Variants in ZNF37A observed in about 807,000 individuals in gnomAD.
ZNF37A encodes the protein zinc finger protein 37a (KOX 21).
A neutral mutation model predicts 12.3 loss-of-function variants in ZNF37A; 10 were observed. That is an observed-to-expected ratio of 0.82 (90% confidence interval 0.50 to 1.38). ZNF37A has a LOEUF of 1.38. Ranked by LOEUF, ZNF37A falls within the 40% of genes most tolerant of loss-of-function variation. The pLI, the probability that ZNF37A is intolerant of heterozygous loss-of-function variation, is 0.00. For missense variants in ZNF37A, 580 were observed against 651.2 expected, an observed-to-expected ratio of 0.89 and a Z score of 1.19; for synonymous variants, 207 against 223.0, an observed-to-expected ratio of 0.93 and a Z score of 0.64.
At chr10:38,141,195 G>A (rs1459682475) in intron 7 of ZNF37A, 3 of 152,136 alleles carry the variant, frequency 2.0e-5, no homozygotes, top group Non-Finnish European at 4.4e-5. Context: ...CCTTAAAGAG[G>A]TGGAGTTTAA....
At chr10:38,126,981 C>T (rs1192765895), downstream of ZNF37A, among the ~76,000 whole-genome samples, 1 of 152,170 alleles carries the variant, frequency 6.6e-6, no homozygotes. Flanking sequence ...AAAACTTGGA[C>T]TTGTAGGGAC....
chr10:38,111,386 A>T (rs1180131320), intron 5 of ZNF37A, among the ~76,000 whole-genome samples: 1 of 151,914 alleles, frequency 6.6e-6, no homozygotes, highest in Admixed American at 6.6e-5. Context: ...TATGTAGATG[A>T]TGGGTTGATG....
intron 5 of ZNF37A, among the ~76,000 whole-genome samples, chr10:38,101,830 T>A (rs950240130): frequency 2.0e-5 from 3 of 148,558 alleles, no homozygotes; most frequent in Admixed American, 1.3e-4. Flanking sequence ...TTTCTTTTTT[T>A]TTTTTTTTTT....
At chr10:38,138,530 A>G (rs1470006531) in intron 7 of ZNF37A, 2 of 152,206 alleles carry the variant, frequency 1.3e-5, no homozygotes, top group African/African-American at 4.8e-5. Flanking sequence ...CAAGCTTTAC[A>G]TATGTATATG....
chr10:38,110,770 A>AT, intron 5 of ZNF37A, among the ~76,000 whole-genome samples: 1 of 152,242 alleles, frequency 6.6e-6, no homozygotes, highest in African/African-American at 2.4e-5. Context: ...TGCAAATCAA[A>AT]ACCACAATGA....
chr10:38,103,799 A>T (rs1480991571), intron 5 of ZNF37A, among the ~76,000 whole-genome samples: 2 of 152,194 alleles, frequency 1.3e-5, no homozygotes, highest in Non-Finnish European at 2.9e-5. Flanking sequence ...CTGTTCTATT[A>T]GTTTAGTGGT....
chr10:38,100,245 G>A (rs1262908837), intron 5 of ZNF37A, among the ~76,000 whole-genome samples: 1 of 152,200 alleles, frequency 6.6e-6, no homozygotes, highest in Non-Finnish European at 1.5e-5. Context: ...CGCAGGACCG[G>A]TGCGAAATTA....
chr10:38,108,637 A>G (rs2068352652), intron 5 of ZNF37A, among the ~76,000 whole-genome samples: 1 of 152,226 alleles, frequency 6.6e-6, no homozygotes, highest in African/African-American at 2.4e-5. Flanking sequence ...TGCAATAAAA[A>G]ATGATAAAGG....
Position 38,119,482 on chromosome 10 carries a change from T to C in ZNF37A, c.*645T>C, listed in dbSNP as rs563532250. 6.1e-5 allele frequency: 50 copies of C among 813,662 alleles called. No homozygotes were observed. Among genetic ancestry groups the C allele is most frequent in the Non-Finnish European group, 6.8e-5 (46 of 673,458 alleles). 50.4% of individuals were successfully genotyped at this position (813,662 alleles called of 1,614,324 possible). On this transcript the variant is annotated 3_prime_UTR_variant, in exon 8 of 8. Transcript: ENST00000685332. Reference sequence around the variant, plus strand: ...ATAGTAGAGAAAGTATTTTTAACTGTATCCAATGTGTGGATGTTTTAAGTT... The same window carrying C: ...ATAGTAGAGAAAGTATTTTTAACTGCATCCAATGTGTGGATGTTTTAAGTT...
chr10:38,103,872 C>T (rs796107791), intron 5 of ZNF37A, among the ~76,000 whole-genome samples: 8 of 152,296 alleles, frequency 5.3e-5, no homozygotes, highest in African/African-American at 1.4e-4. Flanking sequence ...AAAAACTCTT[C>T]TGGTCTGTGC....
intron 7 of ZNF37A, chr10:38,138,689 T>C (rs1486277371): frequency 6.6e-6 from 1 of 152,154 alleles, no homozygotes; most frequent in African/African-American, 2.4e-5. Context: ...CAGGAACCCG[T>C]TGTCTTAAAG....
chr10:38,100,122 G>A (rs1427408588), intron 5 of ZNF37A, among the ~76,000 whole-genome samples: 1 of 152,132 alleles, frequency 6.6e-6, no homozygotes, highest in Non-Finnish European at 1.5e-5. Context: ...TTTTTATTAG[G>A]GAGTTTCAAA....
chr10:38,101,205 C>T (rs1319500987), intron 5 of ZNF37A, among the ~76,000 whole-genome samples: 5 of 152,170 alleles, frequency 3.3e-5, no homozygotes, highest in Admixed American at 2.0e-4. Context: ...ATTTTTACTA[C>T]TGTTGCCTGT....
rs183403200 is a variant in ZNF37A at position 38,106,644 on chromosome 10, G to A, written c.16-8111G>A. Reference sequence around the variant, plus strand: ...ACAAATTGCTAACTAGAATAACCAGGTTAGAGAAGAACATAAATCACCTGA... The same window carrying A: ...ACAAATTGCTAACTAGAATAACCAGATTAGAGAAGAACATAAATCACCTGA... On this transcript the variant is annotated intron_variant, in intron 5 of 7. Transcript: ENST00000685332. Among the ~76,000 whole-genome samples, 255 of 152,126 alleles carry A rather than the reference G, an allele frequency of 1.7e-3. 1 individual carries two copies. Among genetic ancestry groups the A allele is most frequent in the Non-Finnish European group, 3.0e-3 (206 of 68,006 alleles).
intron 7 of ZNF37A, among the ~76,000 whole-genome samples, chr10:38,116,648 T>C (rs2069293134): frequency 6.6e-6 from 1 of 152,208 alleles, no homozygotes; most frequent in Non-Finnish European, 1.5e-5. Flanking sequence ...AAAGTGTTTG[T>C]TCTTGGGACA....
downstream of ZNF37A, among the ~76,000 whole-genome samples, chr10:38,125,944 A>T (rs1254601760): frequency 6.6e-6 from 1 of 152,154 alleles, no homozygotes; most frequent in Non-Finnish European, 1.5e-5. Flanking sequence ...AGCAAGAGAG[A>T]GGGAGTTGGG....
intron 5 of ZNF37A, among the ~76,000 whole-genome samples, chr10:38,110,334 C>T (rs1016159060): frequency 3.3e-5 from 5 of 152,046 alleles, no homozygotes; most frequent in African/African-American, 1.2e-4. Flanking sequence ...CAAAAATTAG[C>T]TCAAGATGGA....
In ZNF37A at chr10:38,121,513, G is replaced by C. The variant is rs1031218544; in HGVS notation, c.*2676G>C. ...GTGGCTTTGTGTCTGCTGGCACCAA[G>C]AGGGCTGAGGGTGAGGTGTGGAAGG... On this transcript the variant is annotated 3_prime_UTR_variant, in exon 8 of 8. Coordinates refer to ENST00000685332, the MANE Select transcript of ZNF37A (RefSeq NM_001324250.3). 3.3e-5 allele frequency: 5 copies of C among 152,444 alleles called. No homozygotes were observed. Among genetic ancestry groups the C allele is most frequent in the African/African-American group, 9.7e-5 (4 of 41,404 alleles). 9.4% of individuals were successfully genotyped at this position (152,444 alleles called of 1,614,324 possible).
At position 38,099,246 on chromosome 10, in the gene ZNF37A, T is replaced by C. The variant is rs79487426; in HGVS notation, c.15+2614T>C. On this transcript the variant is annotated intron_variant, in intron 5 of 7. Transcript: ENST00000685332. ...TCCAGAACTTTTTCATCTTGGAAAA[T>C]TGAAATTCTGTACCTATTAAACAGT... 7.8e-3 allele frequency among the ~76,000 whole-genome samples: 1,193 copies of C among 152,292 alleles called. 18 individuals carry two copies. Among genetic ancestry groups the C allele is most frequent in the African/African-American group, 0.028 (1,144 of 41,572 alleles).
Sources: gnomAD v4.1 joint callset for allele counts (sites outside exome capture counted in the v4.1 genomes callset) on GRCh38, gnomAD v4.1.1 for gene constraint, MANE v1.5 for transcripts, NCBI Gene and HGNC (gene_info 2026-07-23, HGNC 2026-07-21) for gene names.